The following SUMF1 variants were observed in gnomAD, a reference collection of about 807,000 sequenced individuals.
The protein encoded by SUMF1 is formylglycine-generating enzyme.
SUMF1 carries 48 observed loss-of-function variants against 47.6 expected under a neutral mutation model. The observed-to-expected ratio is 1.01, with a 90% CI of 0.80 to 1.28. The LOEUF is 1.28. SUMF1 is among the 50% of genes most tolerant of loss of function. SUMF1 has a pLI of 0.00. For missense variants in SUMF1, 571 were observed against 485.4 expected, an observed-to-expected ratio of 1.18 and a Z score of -1.66; for synonymous variants, 230 against 192.1, an observed-to-expected ratio of 1.20 and a Z score of -1.63.
At chr3:4,124,983 C>A (rs1016783333) in intron 8 of SUMF1, among the ~76,000 whole-genome samples, 1 of 152,044 alleles carries the variant, frequency 6.6e-6, no homozygotes. Flanking sequence ...CTATGTGATT[C>A]CAATCAAATC....
At chr3:4,309,751 C>G (rs190932930) in intron 8 of SUMF1, among the ~76,000 whole-genome samples, 1 of 152,312 alleles carries the variant, frequency 6.6e-6, no homozygotes, top group Admixed American at 6.5e-5. Flanking sequence ...AAAGAGAATG[C>G]TTCTTCCCTA....
intron 8 of SUMF1, among the ~76,000 whole-genome samples, chr3:4,351,323 A>G (rs1575120512): frequency 6.6e-6 from 1 of 152,208 alleles, no homozygotes; most frequent in Non-Finnish European, 1.5e-5. Context: ...ACGAAACAAT[A>G]CCCATTTTTG....
At chr3:4,175,499 A>T (rs554202908) in intron 8 of SUMF1, among the ~76,000 whole-genome samples, 1 of 152,174 alleles carries the variant, frequency 6.6e-6, no homozygotes, top group South Asian at 2.1e-4. Flanking sequence ...ATCAACATCA[A>T]CAAAAAGGTC....
At chr3:4,145,191 TAAAAAAAAA>T (rs35699553) in intron 8 of SUMF1, among the ~76,000 whole-genome samples, 6 of 90,508 alleles carry the variant, frequency 6.6e-5, no homozygotes, top group African/African-American at 2.5e-4. Flanking sequence ...AAACTCCGTC[TAAAAAAAAA>T]AAAAAAAAAA....
chr3:4,064,912 G>A (rs1695343538), intron 9 of SUMF1, among the ~76,000 whole-genome samples: 2 of 152,128 alleles, frequency 1.3e-5, no homozygotes, highest in Non-Finnish European at 2.9e-5. Context: ...ATGGGACACA[G>A]CAAAAAGTGG....
chr3:4,303,481 G>A (rs764193900), intron 8 of SUMF1: 10 of 1,505,192 alleles, frequency 6.6e-6, no homozygotes, highest in East Asian at 2.9e-5. Flanking sequence ...AGGAAAACTT[G>A]CCGGTGGGCG....
intron 1 of SUMF1, among the ~76,000 whole-genome samples, chr3:4,462,145 T>C (rs1169688981): frequency 1.3e-5 from 2 of 152,148 alleles, no homozygotes; most frequent in East Asian, 3.9e-4. Context: ...TCCAAAACCA[T>C]TTCTTAAGCT....
intron 8 of SUMF1, among the ~76,000 whole-genome samples, chr3:4,224,586 G>T (rs13089862): frequency 6.6e-6 from 1 of 151,674 alleles, no homozygotes; most frequent in Non-Finnish European, 1.5e-5. Context: ...AGGGGGCCAA[G>T]ATTCAGGATG....
At chr3:4,334,553 G>C (rs562742569) in intron 8 of SUMF1, among the ~76,000 whole-genome samples, 1 of 152,266 alleles carries the variant, frequency 6.6e-6, no homozygotes, top group South Asian at 2.1e-4. Context: ...ACACACAAAG[G>C]CTCAAAAGCC....
rs1280561850 is a variant in SUMF1 at position 4,418,080 on chromosome 3, T to G, written c.655A>C (p.Thr219Pro). 6.2e-7 allele frequency: 1 copy of G among 1,614,054 alleles called. No homozygotes were observed. Among genetic ancestry groups the G allele is most frequent in the Non-Finnish European group, 8.5e-7 (1 of 1,180,016 alleles). ...VSWNDAVAYC[T>P]WAGKRLPTEA... ...GTGGGCAGCCGCTTCCCTGCCCAAGTGCAGTAGGCAACCGCATCATTCCAG... is the reference window on the plus strand; with the variant it reads ...GTGGGCAGCCGCTTCCCTGCCCAAGGGCAGTAGGCAACCGCATCATTCCAG... The change falls in exon 5 of 9, where the codon ACT (threonine) becomes CCT (proline). Residue 219 changes from threonine to proline, a missense_variant. Thr to Pro is a conservative substitution (Grantham distance 38). Coordinates refer to ENST00000272902, the MANE Select transcript of SUMF1 (RefSeq NM_182760.4).
intron 8 of SUMF1, among the ~76,000 whole-genome samples, chr3:4,368,775 C>G (rs1027691296): frequency 6.6e-6 from 1 of 152,156 alleles, no homozygotes; most frequent in Non-Finnish European, 1.5e-5. Flanking sequence ...CAGTGATTAA[C>G]CACAGATTAC....
chr3:4,454,389 C>T (rs1161742599), intron 1 of SUMF1, among the ~76,000 whole-genome samples: 1 of 152,174 alleles, frequency 6.6e-6, no homozygotes, highest in Non-Finnish European at 1.5e-5. Context: ...TGAGGTTCCA[C>T]TTCATGATCA....
At chr3:4,283,844 G>A (rs1395649816) in intron 8 of SUMF1, among the ~76,000 whole-genome samples, 2 of 152,124 alleles carry the variant, frequency 1.3e-5, no homozygotes, top group Non-Finnish European at 2.9e-5. Flanking sequence ...CGTCTGGTAA[G>A]GGATCACTTT....
intron 8 of SUMF1, among the ~76,000 whole-genome samples, chr3:4,305,054 G>T (rs187930502): frequency 1.1e-3 from 167 of 152,236 alleles, no homozygotes; most frequent in South Asian, 2.5e-3. Flanking sequence ...GAGTTTGTCT[G>T]AAGACCTGGG....
chr3:4,254,711 C>T (rs1266604398), intron 8 of SUMF1, among the ~76,000 whole-genome samples: 5 of 149,974 alleles, frequency 3.3e-5, no homozygotes, highest in Admixed American at 3.3e-4. Flanking sequence ...TCCAGGAGAA[C>T]TTCCCCAATC....
At chr3:4,176,858 T>G (rs969070251) in intron 8 of SUMF1, among the ~76,000 whole-genome samples, 3 of 151,880 alleles carry the variant, frequency 2.0e-5, no homozygotes, top group Non-Finnish European at 2.9e-5. Context: ...ACCGAACAAA[T>G]GGAAAGCATA....
chr3:4,286,940 A>G (rs1476025705), intron 8 of SUMF1, among the ~76,000 whole-genome samples: 1 of 152,164 alleles, frequency 6.6e-6, no homozygotes, highest in Admixed American at 6.6e-5. Flanking sequence ...AATGTTCTCA[A>G]AGTGTGGTCC....
At chr3:4,231,343 G>A (rs1434415379) in intron 8 of SUMF1, among the ~76,000 whole-genome samples, 1 of 152,048 alleles carries the variant, frequency 6.6e-6, no homozygotes, top group Non-Finnish European at 1.5e-5. Flanking sequence ...GGCCCATTTT[G>A]GTTTTTAAAT....
intron 8 of SUMF1, among the ~76,000 whole-genome samples, chr3:4,105,584 T>C (rs924085286): frequency 1.5e-4 from 23 of 151,968 alleles, no homozygotes; most frequent in African/African-American, 5.6e-4. Context: ...GTCCAGGTAA[T>C]CTGGAAAATG....
Sources: gnomAD v4.1 joint callset for allele counts (sites outside exome capture counted in the v4.1 genomes callset) on GRCh38, gnomAD v4.1.1 for gene constraint, MANE v1.5 for transcripts, NCBI Gene and HGNC (gene_info 2026-07-23, HGNC 2026-07-21) for gene names.